Variants in BMPR2 observed in about 807,000 individuals in gnomAD.
BMPR2 encodes the protein bone morphogenetic protein receptor type-2.
In BMPR2, 29 loss-of-function variants were observed where a neutral mutation model predicts 100.8. The observed-to-expected ratio is 0.29, with a 90% CI of 0.21 to 0.39. The LOEUF (loss-of-function observed/expected upper bound fraction) is 0.39, where lower values mean the gene tolerates loss of function less well. BMPR2 is among the 10% of genes least tolerant of loss of function. The pLI is 1.00. For synonymous variants in BMPR2, 382 were observed against 442.3 expected, an observed-to-expected ratio of 0.86 and a Z score of 1.71; for missense variants, 1,011 against 1,274.5, an observed-to-expected ratio of 0.79 and a Z score of 3.15.
At chr2:202,508,843 C>T (rs1687574736) in intron 3 of BMPR2, among the ~76,000 whole-genome samples, 2 of 152,030 alleles carry the variant, frequency 1.3e-5, no homozygotes, top group South Asian at 4.1e-4. Context: ...TTTTCAGTGT[C>T]GTGTTAGTGG....
In BMPR2 at chr2:202,555,497, A is replaced by G. The variant is rs1376541028; in HGVS notation, c.1832A>G (p.Asn611Ser). 6.8e-6 allele frequency: 11 copies of G among 1,614,092 alleles called. No individual in the cohort carries two copies. Among genetic ancestry groups the G allele is most frequent in the Admixed American group, 1.7e-5 (1 of 60,020 alleles). Residue 611 changes from asparagine (N) to serine (S), a missense_variant, in exon 12 of 13, where the codon AAC becomes AGC. Asn to Ser is a conservative substitution (Grantham distance 46). Transcript: ENST00000374580. The stretch of plus-strand genomic sequence containing the variant: ...ACAAGTGTCACCAGCCTCTCCACCA[A>G]CACAACAACCACAAACACCACAGGA... Reference protein sequence around the residue: ...PETSVTSLSTNTTTTNTTGLT... With the variant: ...PETSVTSLSTSTTTTNTTGLT...
rs529974598 is a variant in BMPR2 at position 202,520,574 on chromosome 2, C to T, written c.967+373C>T. On this transcript the variant is annotated intron_variant, in intron 7 of 12. Transcript: ENST00000374580. Reference sequence around the variant, plus strand: ...CCTCTGCAAGCGGACAAGCACCAACCCTTCCCAAGGACCCTACCATTTATG... The same window carrying T: ...CCTCTGCAAGCGGACAAGCACCAACTCTTCCCAAGGACCCTACCATTTATG... 21 of 293,574 alleles carry T rather than the reference C, an allele frequency of 7.2e-5. No individual in the cohort carries two copies. The East Asian group carries it at 1.8e-3, about 26-fold the overall frequency. The allele number at this position is 293,574 out of a possible 1,614,324, so 18.2% of individuals were successfully genotyped here. A position where few individuals can be genotyped will look rare whatever the true frequency, so the allele number is the denominator to read the frequency against.
At chr2:202,505,314 C>T (rs1416338850) in intron 3 of BMPR2, 1 of 149,174 alleles carries the variant, frequency 6.7e-6, no homozygotes, top group African/African-American at 2.5e-5. Context: ...TTCACCTATC[C>T]TGTAGAGGAC....
chr2:202,544,002 T>A (rs1324166257), intron 10 of BMPR2, among the ~76,000 whole-genome samples: 1 of 151,968 alleles, frequency 6.6e-6, no homozygotes, highest in Non-Finnish European at 1.5e-5. Flanking sequence ...CCCTGTCTCT[T>A]TAAAAAAAAA....
chr2:202,490,945 T>G (rs1692888621), intron 3 of BMPR2, among the ~76,000 whole-genome samples: 1 of 152,132 alleles, frequency 6.6e-6, no homozygotes, highest in Non-Finnish European at 1.5e-5. Flanking sequence ...TTGTTTTTTG[T>G]TTTTGGAGAC....
intron 9 of BMPR2, among the ~76,000 whole-genome samples, chr2:202,540,615 T>A (rs961577766): frequency 6.6e-6 from 1 of 152,196 alleles, no homozygotes; most frequent in Non-Finnish European, 1.5e-5. Flanking sequence ...ATTAGTTGTT[T>A]TGAGTATTCA....
intron 1 of BMPR2, among the ~76,000 whole-genome samples, chr2:202,385,633 G>C (rs1485990979): frequency 6.7e-6 from 1 of 148,174 alleles, no homozygotes; most frequent in Non-Finnish European, 1.5e-5. Flanking sequence ...CAAAGTGCTG[G>C]GATTACAGGC....
chr2:202,462,976 T>A (rs1040714715), intron 1 of BMPR2, among the ~76,000 whole-genome samples: 1 of 152,160 alleles, frequency 6.6e-6, no homozygotes, highest in African/African-American at 2.4e-5. Flanking sequence ...CCTCCCAAAG[T>A]GCCTGGGATT....
chr2:202,454,611 G>T (rs1692054694), intron 1 of BMPR2, among the ~76,000 whole-genome samples: 1 of 152,268 alleles, frequency 6.6e-6, no homozygotes, highest in Non-Finnish European at 1.5e-5. Context: ...TACTTGCTCT[G>T]AGTCTGTGAG....
intron 11 of BMPR2, among the ~76,000 whole-genome samples, chr2:202,553,860 G>T (rs1053757668): frequency 2.0e-5 from 3 of 151,948 alleles, no homozygotes; most frequent in Non-Finnish European, 4.4e-5. Context: ...AGCTAATTTT[G>T]TATATTTATT....
chr2:202,427,837 G>T (rs368655479), intron 1 of BMPR2, among the ~76,000 whole-genome samples: 1 of 151,978 alleles, frequency 6.6e-6, no homozygotes, highest in Admixed American at 6.6e-5. Context: ...AATTAGCCAG[G>T]CATGGTGGCA....
intron 3 of BMPR2, among the ~76,000 whole-genome samples, chr2:202,470,359 A>G (rs1025113664): frequency 6.6e-6 from 1 of 152,134 alleles, no homozygotes; most frequent in African/African-American, 2.4e-5. Context: ...TAAAAATAAA[A>G]AAAAGGAACG....
chr2:202,389,648 AT>A (rs879338693), intron 1 of BMPR2, among the ~76,000 whole-genome samples: 118 of 143,908 alleles, frequency 8.2e-4, no homozygotes, highest in Non-Finnish European at 7.0e-4. Flanking sequence ...TTATAAATTT[AT>A]TTTTTTTTTT....
rs11300022 is a variant in BMPR2 at position 202,421,462 on chromosome 2, C to CT, written c.77-43332dup. On this transcript the variant is annotated intron_variant, in intron 1 of 12. Transcript: ENST00000374580. ...TGATAGCAAAGCTACCCGCCCCCAC[C>CT]TTTTTTTTTTTTTTTAAAACAAGTT... 4.1e-3 allele frequency among the ~76,000 whole-genome samples: 584 copies of CT among 140,798 alleles called. 4 individuals are homozygous for CT. The highest frequency in any genetic ancestry group is 0.012 in the African/African-American group (466 of 38,302). 92.4% of individuals were successfully genotyped at this position (140,798 alleles called of 152,430 possible).
Position 202,506,671 on chromosome 2 carries a change from C to T in BMPR2, c.419-7048C>T, listed in dbSNP as rs990495427. ...ATCCCAGCAGTTTGGGAGGCCGAGG[C>T]GGGTGGATTACGAGGTCAGGAGTTT... is the stretch of plus-strand genomic sequence containing the variant. On this transcript the variant is annotated intron_variant, in intron 3 of 12. Coordinates refer to ENST00000374580, the MANE Select transcript of BMPR2 (RefSeq NM_001204.7). Among the ~76,000 whole-genome samples, 4 of 152,060 alleles carry T rather than the reference C, an allele frequency of 2.6e-5. No individual in the cohort carries two copies. In the East Asian group the frequency reaches 5.8e-4, roughly 22 times the overall value.
intron 1 of BMPR2, among the ~76,000 whole-genome samples, chr2:202,423,379 C>A (rs1018641211): frequency 6.6e-6 from 1 of 152,148 alleles, no homozygotes; most frequent in Non-Finnish European, 1.5e-5. Flanking sequence ...GAACTTGGCT[C>A]CCACTTCAGA....
At chr2:202,535,575 G>A (rs1249023467) in intron 9 of BMPR2, among the ~76,000 whole-genome samples, 1 of 151,736 alleles carries the variant, frequency 6.6e-6, no homozygotes, top group East Asian at 1.9e-4. Context: ...ATGGCGGCCG[G>A]GCGGAGACGC....
At chr2:202,457,239 A>C (rs1692128842) in intron 1 of BMPR2, among the ~76,000 whole-genome samples, 1 of 152,110 alleles carries the variant, frequency 6.6e-6, no homozygotes, top group African/African-American at 2.4e-5. Flanking sequence ...ATTTTGAGTT[A>C]GAATAATAAA....
At chr2:202,417,069 C>G (rs1691145673) in intron 1 of BMPR2, among the ~76,000 whole-genome samples, 1 of 152,124 alleles carries the variant, frequency 6.6e-6, no homozygotes, top group Non-Finnish European at 1.5e-5. Context: ...ATTTCCTGAC[C>G]TCATGATCCA....
Sources: gnomAD v4.1 joint callset for allele counts (sites outside exome capture counted in the v4.1 genomes callset) on GRCh38, gnomAD v4.1.1 for gene constraint, MANE v1.5 for transcripts, NCBI Gene and HGNC (gene_info 2026-07-23, HGNC 2026-07-21) for gene names.